AKAP9: variants seen among roughly 807,000 people sequenced by gnomAD.
The protein encoded by AKAP9 is A-kinase anchor protein 9.
AKAP9 carries 311 observed loss-of-function variants against 488.5 expected under a neutral mutation model. The ratio of observed to expected loss-of-function variants is 0.64; its 90% CI spans 0.58 to 0.70. The LOEUF is 0.70. Among genes scored for constraint, AKAP9 ranks in the 30% least tolerant of loss-of-function variants. AKAP9 has a pLI of 0.00. For synonymous variants in AKAP9, 1,462 were observed against 1,483.5 expected (o/e 0.99, Z 0.33); for missense variants, 4,215 against 4,374.5 (o/e 0.96, Z 1.03).
chr7:91,983,272 G>C (rs1306873547), intron 3 of AKAP9, among the ~76,000 whole-genome samples: 3 of 151,968 alleles, frequency 2.0e-5, no homozygotes, highest in South Asian at 4.1e-4. Context: ...TCACTGTTCA[G>C]TTCCCACCTA....
At chr7:91,975,439 A>G (rs955766970) in intron 2 of AKAP9, among the ~76,000 whole-genome samples, 4 of 152,214 alleles carry the variant, frequency 2.6e-5, no homozygotes, top group African/African-American at 7.2e-5. Flanking sequence ...CTAAATTTGT[A>G]TATTGATCTT....
At chr7:91,966,038 T>TA (rs1794408747) in intron 1 of AKAP9, among the ~76,000 whole-genome samples, 2 of 152,276 alleles carry the variant, frequency 1.3e-5, no homozygotes, top group South Asian at 4.1e-4. Flanking sequence ...TTTTTAGCTT[T>TA]AAAAACATTT....
intron 8 of AKAP9, among the ~76,000 whole-genome samples, chr7:92,008,174 C>G (rs1800180148): frequency 6.6e-6 from 1 of 151,342 alleles, no homozygotes; most frequent in Admixed American, 6.6e-5. Flanking sequence ...TCAAGATTGA[C>G]CTGATCAACA....
chr7:92,002,032 A>C lies in AKAP9; in HGVS notation c.2115A>C (p.Leu705Phe), dbSNP rs1214787742. 6.2e-7 allele frequency: 1 copy of C among 1,608,080 alleles called. No homozygotes were observed. Among genetic ancestry groups the C allele is most frequent in the Admixed American group, 1.7e-5 (1 of 59,060 alleles). Reference protein sequence around the residue: ...LILEISKLKDLQQSLVNSKSE... With the variant: ...LILEISKLKDFQQSLVNSKSE... Reference sequence around the variant, plus strand: ...TGGAAATTTCAAAGCTAAAAGATTTACAGCAGTCTCTTGTAAATTCAAAGT... The same window carrying C: ...TGGAAATTTCAAAGCTAAAAGATTTCCAGCAGTCTCTTGTAAATTCAAAGT... Residue 705 changes from leucine (L) to phenylalanine (F), a missense_variant, in exon 8 of 50, where the codon TTA becomes TTC. This residue lies in a region of AKAP9 where 2,361 missense variants were observed against 2,430.0 expected (regional missense o/e 0.97). Coordinates refer to ENST00000356239, the MANE Select transcript of AKAP9 (RefSeq NM_005751.5).
chr7:91,962,119 G>A (rs949563039), intron 1 of AKAP9, among the ~76,000 whole-genome samples: 6 of 152,078 alleles, frequency 3.9e-5, no homozygotes, highest in African/African-American at 1.4e-4. Context: ...AATTTAAAGT[G>A]CATCATTTCA....
intron 26 of AKAP9, among the ~76,000 whole-genome samples, chr7:92,067,449 G>A (rs1210605161): frequency 2.4e-5 from 3 of 123,064 alleles, no homozygotes; most frequent in Non-Finnish European, 3.5e-5. Flanking sequence ...AATCAGCCTT[G>A]ATTCTCCTTT....
intron 16 of AKAP9, among the ~76,000 whole-genome samples, chr7:92,034,511 T>C (rs988590121): frequency 7.1e-6 from 1 of 141,218 alleles, no homozygotes; most frequent in African/African-American, 2.6e-5. Context: ...TTTTTTTTTT[T>C]TTTTTTTTGA....
At position 92,002,747 on chromosome 7, in the gene AKAP9, A is replaced by G; in HGVS notation, c.2830A>G (p.Lys944Glu). 1 of 1,613,718 alleles carries G rather than the reference A, an allele frequency of 6.2e-7. No individual in the cohort carries two copies. Among genetic ancestry groups the G allele is most frequent in the Non-Finnish European group, 8.5e-7 (1 of 1,179,746 alleles). ...VEKDTTELMEKLEVTKREKLE... is the reference protein window; with the variant it reads ...VEKDTTELMEELEVTKREKLE... The stretch of plus-strand genomic sequence containing the variant: ...AAAGGATACAACAGAACTCATGGAA[A>G]AACTTGAGGTAACCAAGCGAGAGAA... Residue 944 changes from lysine to glutamate, a missense_variant, in exon 8 of 50, where the codon AAA (lysine) becomes GAA (glutamate). Physicochemically the swap from Lys to Glu is moderately conservative, Grantham distance 56. Transcript: ENST00000356239.
chr7:92,039,265 G>A (rs760203908), intron 17 of AKAP9, among the ~76,000 whole-genome samples: 1 of 152,128 alleles, frequency 6.6e-6, no homozygotes, highest in Non-Finnish European at 1.5e-5. Flanking sequence ...CTTAATATTA[G>A]TATCAAATAA....
chr7:92,037,862 T>C (rs909418923), intron 16 of AKAP9, among the ~76,000 whole-genome samples: 1 of 152,220 alleles, frequency 6.6e-6, no homozygotes, highest in Non-Finnish European at 1.5e-5. Context: ...ATATAGAGAA[T>C]TGATTTAATA....
At chr7:92,063,379 G>GC (rs1810215308) in intron 24 of AKAP9, 1 of 751,430 alleles carries the variant, frequency 1.3e-6, no homozygotes, top group Admixed American at 6.3e-5. Context: ...GTGTGCATGT[G>GC]CATTATCCCA....
chr7:91,985,739 C>T (rs1349326696), intron 3 of AKAP9, among the ~76,000 whole-genome samples: 1 of 152,108 alleles, frequency 6.6e-6, no homozygotes, highest in Non-Finnish European at 1.5e-5. Context: ...CCCTCGCCTG[C>T]CGGGTTCACA....
chr7:91,996,126 CAG>C (rs1448317656), intron 7 of AKAP9: 4 of 296,844 alleles, frequency 1.3e-5, no homozygotes, highest in African/African-American at 6.5e-5. Context: ...ATTTTCACAA[CAG>C]AGAGAAATTT....
At chr7:92,042,590 G>A (rs1399261381) in intron 19 of AKAP9, 78 bp from the exon 20 acceptor site, 5 of 1,012,372 alleles carry the variant, frequency 4.9e-6, no homozygotes, top group Non-Finnish European at 7.7e-6. Context: ...TACCAATATA[G>A]AAGAATGACA....
rs140457022 is a variant in AKAP9 at position 92,076,969 on chromosome 7, C to T, written c.6727C>T (p.Arg2243Cys). The T allele has an allele frequency of 1.1e-5, 17 of 1,577,674 alleles. No individual in the cohort carries two copies. The highest frequency in any genetic ancestry group is 1.1e-4 in the Admixed American group (6 of 56,920). Reference sequence around the variant, plus strand: ...AATACAGAAAAAGGAATCTACTACCCGCCTACAAGAACTTGAACAGGAAAA... The same window carrying T: ...AATACAGAAAAAGGAATCTACTACCTGCCTACAAGAACTTGAACAGGAAAA... ...LEIQKKESTT[R>C]LQELEQENKL... Residue 2243 changes from arginine to cysteine, a missense_variant, in exon 29 of 50, where the codon CGC becomes TGC. Arg to Cys is a radical substitution (Grantham distance 180, BLOSUM62 -3). Coordinates refer to ENST00000356239, the MANE Select transcript of AKAP9 (RefSeq NM_005751.5).
chr7:91,960,757 A>T (rs1793628188), intron 1 of AKAP9, among the ~76,000 whole-genome samples: 1 of 152,208 alleles, frequency 6.6e-6, no homozygotes, highest in Non-Finnish European at 1.5e-5. Context: ...ACAAAGTTGC[A>T]TGCATGATGG....
intron 10 of AKAP9, 41 bp downstream of exon 10, chr7:92,014,369 C>A: frequency 7.1e-7 from 1 of 1,402,410 alleles, no homozygotes; most frequent in Non-Finnish European, 1.0e-6. Context: ...GATGTGGTGG[C>A]TGACACTTAT....
At chr7:92,074,340 G>C (rs932703331) in intron 28 of AKAP9, among the ~76,000 whole-genome samples, 2 of 152,086 alleles carry the variant, frequency 1.3e-5, no homozygotes, top group African/African-American at 4.8e-5. Flanking sequence ...CAGTTAGAAA[G>C]GTAATCATTA....
At chr7:92,006,225 C>A (rs1319635541) in intron 8 of AKAP9, among the ~76,000 whole-genome samples, 1 of 151,560 alleles carries the variant, frequency 6.6e-6, no homozygotes, top group East Asian at 1.9e-4. Flanking sequence ...ATCACAGCAT[C>A]CTGCAGCCTT....
Sources: allele counts gnomAD v4.1 joint callset (sites outside exome capture counted in the v4.1 genomes callset), GRCh38; gene constraint gnomAD v4.1.1; regional missense constraint gnomAD v4.1.1; transcripts MANE v1.5; gene names NCBI Gene and HGNC (gene_info 2026-07-23, HGNC 2026-07-21).